The following GLYATL2 variants were observed in gnomAD, a reference collection of about 807,000 sequenced individuals.
GLYATL2 encodes the protein glycine-N-acyltransferase like 2.
Under a neutral mutation model 21.4 loss-of-function variants are expected in GLYATL2, and 25 were observed. That is an observed-to-expected ratio of 1.17 (90% confidence interval 0.85 to 1.63). The LOEUF (loss-of-function observed/expected upper bound fraction) is 1.63. GLYATL2 is among the 40% of genes most tolerant of loss of function. The pLI, the probability that GLYATL2 is intolerant of heterozygous loss-of-function variation, is 0.00. For missense variants in GLYATL2, 361 were observed against 343.3 expected (o/e 1.05, Z -0.41); for synonymous variants, 114 against 118.2 (o/e 0.96, Z 0.23).
chr11:58,893,085 TTC>T (rs1466563107), intron 1 of GLYATL2: 3 of 399,890 alleles, frequency 7.5e-6, no homozygotes, highest in South Asian at 7.1e-5. Context: ...GTGTCTCTTA[TTC>T]TGGGCTGGTA....
At chr11:58,838,457 A>G (rs1853482646) in intron 2 of GLYATL2, 89 bp from the exon 3 acceptor site, 1 of 782,724 alleles carries the variant, frequency 1.3e-6, no homozygotes, top group South Asian at 1.7e-5. Context: ...TGACATGAGA[A>G]ATAAGGACAA....
intron 1 of GLYATL2, among the ~76,000 whole-genome samples, chr11:58,864,961 C>T (rs1004337957): frequency 2.0e-5 from 3 of 148,828 alleles, no homozygotes; most frequent in African/African-American, 7.3e-5. Context: ...ATCAAACACA[C>T]ACATATATAC....
At chr11:58,896,147 AC>A (rs1332352056) in intron 1 of GLYATL2, among the ~76,000 whole-genome samples, 4 of 152,102 alleles carry the variant, frequency 2.6e-5, no homozygotes, top group Admixed American at 2.6e-4. Context: ...GAGCTACCGC[AC>A]CTGGCCTCCT....
chr11:58,885,517 AGTT>A (rs1177284791), intron 1 of GLYATL2: 8 of 490,168 alleles, frequency 1.6e-5, no homozygotes, highest in South Asian at 1.1e-4. Flanking sequence ...AGTATCAGAT[AGTT>A]ATTATCCAAC....
chr11:58,865,112 T>G (rs1854001675), intron 1 of GLYATL2, among the ~76,000 whole-genome samples: 1 of 144,076 alleles, frequency 6.9e-6, no homozygotes, highest in African/African-American at 2.5e-5. Context: ...ACATACAGCT[T>G]TTTCTATGTC....
At chr11:58,899,588 C>T (rs1266228704) in intron 1 of GLYATL2, among the ~76,000 whole-genome samples, 1 of 151,928 alleles carries the variant, frequency 6.6e-6, no homozygotes, top group Non-Finnish European at 1.5e-5. Context: ...TTAGGACGGG[C>T]CTCCACAAAA....
At position 58,834,799 on chromosome 11, in the gene GLYATL2, T is replaced by G. The variant is rs187660800; in HGVS notation, c.515A>C (p.His172Pro). 56 of 1,609,990 alleles carry G rather than the reference T, an allele frequency of 3.5e-5. No homozygotes were observed. The African/African-American group carries it at 6.8e-4, about 20-fold the overall frequency. ...CCAGTGTTCATTCACAAGACCTGCA[T>G]GTGAAGCATCTAAGAACATGTTTGA... ...NFSNMFLDASHAGLVNEHWAF... is the reference protein window; with the variant it reads ...NFSNMFLDASPAGLVNEHWAF... Residue 172 changes from histidine (H) to proline (P), a missense_variant, in exon 6 of 6, where the codon CAT (histidine) becomes CCT (proline). By Grantham distance (77) the His-to-Pro change is moderately conservative. Coordinates refer to ENST00000287275, the MANE Select transcript of GLYATL2 (RefSeq NM_145016.4).
In GLYATL2 at chr11:58,841,087, A is replaced by T. The variant is rs77218104; in HGVS notation, c.-40-1435T>A. Among the ~76,000 whole-genome samples, 616 of 152,196 alleles carry T rather than the reference A, an allele frequency of 4.0e-3. 14 individuals carry two copies. The highest frequency in any genetic ancestry group is 0.037 in the Admixed American group (560 of 15,288). ...AATACCTCATATGATACTTGAAGAC[A>T]ATATATAAGAATGGCCATATTTTCC... On this transcript the variant is annotated intron_variant, in intron 1 of 5. Coordinates refer to ENST00000287275, the MANE Select transcript of GLYATL2 (RefSeq NM_145016.4).
intron 1 of GLYATL2, among the ~76,000 whole-genome samples, chr11:58,863,858 T>C (rs1853976445): frequency 6.6e-6 from 1 of 151,908 alleles, no homozygotes; most frequent in African/African-American, 2.4e-5. Flanking sequence ...AATACTGGAG[T>C]CAACTGTGAT....
intron 1 of GLYATL2, among the ~76,000 whole-genome samples, chr11:58,870,689 A>T (rs2134602219): frequency 6.6e-6 from 1 of 152,310 alleles, no homozygotes; most frequent in East Asian, 1.9e-4. Flanking sequence ...AGGCAGAACG[A>T]TTTACTTGTT....
At chr11:58,855,949 C>T (rs1853820580) in intron 1 of GLYATL2, among the ~76,000 whole-genome samples, 1 of 151,768 alleles carries the variant, frequency 6.6e-6, no homozygotes, top group South Asian at 2.1e-4. Context: ...CATGGTGAAA[C>T]CCCATCTCTA....
At chr11:58,843,356 A>G (rs573451322) in intron 1 of GLYATL2, among the ~76,000 whole-genome samples, 1 of 152,326 alleles carries the variant, frequency 6.6e-6, no homozygotes, top group Non-Finnish European at 1.5e-5. Flanking sequence ...TTTGATGTTA[A>G]TGGGAGAAAG....
rs140387320 is a variant in GLYATL2, at chr11:58,890,710, A to G, written n.60+13446T>C. Among the ~76,000 whole-genome samples, 1,377 of 152,118 alleles carry G rather than the reference A, an allele frequency of 9.1e-3. 10 individuals carry two copies. Among genetic ancestry groups the G allele is most frequent in the Middle Eastern group, 0.041 (12 of 294 alleles). On this transcript the variant is annotated intron_variant and non_coding_transcript_variant, in intron 1 of 4. Coordinates refer to the GLYATL2 transcript ENST00000533636. ...AGTAAATATGTTGCCTTGGAGTAGTATATAATCTTCTATTATAATTATTTT... is the reference window on the plus strand; with the variant it reads ...AGTAAATATGTTGCCTTGGAGTAGTGTATAATCTTCTATTATAATTATTTT...
chr11:58,878,469 G>A (rs1316603467), intron 1 of GLYATL2: 1 of 247,244 alleles, frequency 4.0e-6, no homozygotes, highest in Non-Finnish European at 7.3e-6. Context: ...TCGAAACTGG[G>A]TTTGGAGTTG....
upstream of GLYATL2, chr11:58,907,581 A>T (rs545003940): frequency 7.2e-5 from 25 of 346,182 alleles, no homozygotes; most frequent in African/African-American, 5.3e-4. Flanking sequence ...GTTCCTGACT[A>T]CTAGTTCTAT....
chr11:58,839,492 A>C (rs754462952), intron 2 of GLYATL2, 43 bp downstream of exon 2: 1 of 1,278,934 alleles, frequency 7.8e-7, no homozygotes, highest in Non-Finnish European at 1.1e-6. Context: ...TCCTCCTCTC[A>C]ACTCAACCCT....
intron 1 of GLYATL2, among the ~76,000 whole-genome samples, chr11:58,878,945 A>G (rs600559): frequency 0.89 from 134,769 of 152,184 alleles, 60,884 homozygotes; most frequent in Non-Finnish European, 0.98. Flanking sequence ...TGGGCAGTAC[A>G]GGGTGTCAAC....
At position 58,867,293 on chromosome 11, in the gene GLYATL2, C is replaced by T. The variant is rs947725843; in HGVS notation, n.61-28925G>A. Reference sequence around the variant, plus strand: ...AATACCATGCAATACAATTGTTCTACTCACAAGATCAGTACAGGAATTATA... The same window carrying T: ...AATACCATGCAATACAATTGTTCTATTCACAAGATCAGTACAGGAATTATA... On this transcript the variant is annotated intron_variant and non_coding_transcript_variant, in intron 1 of 4. Transcript: ENST00000533636. Among the ~76,000 whole-genome samples, 42 of 149,204 alleles carry T rather than the reference C, an allele frequency of 2.8e-4. 1 individual carries two copies. The highest frequency in any genetic ancestry group is 9.7e-4 in the African/African-American group (40 of 41,394).
chr11:58,874,907 T>G (rs1329079711), intron 1 of GLYATL2, among the ~76,000 whole-genome samples: 2 of 152,228 alleles, frequency 1.3e-5, no homozygotes, highest in Admixed American at 1.3e-4. Flanking sequence ...TCTCCCATTA[T>G]TAATGTGTGG....
Sources: allele counts gnomAD v4.1 joint callset (sites outside exome capture counted in the v4.1 genomes callset), GRCh38; gene constraint gnomAD v4.1.1; transcripts MANE v1.5; gene names NCBI Gene and HGNC (gene_info 2026-07-23, HGNC 2026-07-21).